STAC: variants seen among roughly 807,000 people sequenced by gnomAD.
The protein encoded by STAC is SH3 and cysteine rich domain, also known as SH3 and cysteine-rich domain-containing protein.
A neutral mutation model predicts 48.8 loss-of-function variants in STAC; 43 were observed. That is an observed-to-expected ratio of 0.88 (90% CI 0.69 to 1.14). STAC has a LOEUF of 1.14. STAC is among the 50% of genes most tolerant of loss of function. The probability of loss-of-function intolerance (pLI) is 0.00; values close to 1 mark genes in which losing one functional copy is unlikely to be tolerated. For synonymous variants in STAC, 193 were observed against 179.5 expected, an observed-to-expected ratio of 1.07 and a Z score of -0.60; for missense variants, 497 against 504.0, an observed-to-expected ratio of 0.99 and a Z score of 0.13.
intron 2 of STAC, among the ~76,000 whole-genome samples, chr3:36,446,244 A>G (rs1236597420): frequency 1.3e-5 from 2 of 152,176 alleles, no homozygotes; most frequent in East Asian, 3.8e-4. Flanking sequence ...ATCCCTTCCC[A>G]GAAACTTTGG....
Position 36,482,971 on chromosome 3 carries a change from AG to A in STAC, c.389-20del, listed in dbSNP as rs754303057. The A allele has an allele frequency of 1.8e-5, 29 of 1,594,904 alleles. No homozygotes were observed. Among genetic ancestry groups the A allele is most frequent in the Non-Finnish European group, 2.4e-5 (28 of 1,163,064 alleles). On this transcript the variant is annotated intron_variant, in intron 2 of 10. Coordinates refer to ENST00000273183, the MANE Select transcript of STAC (RefSeq NM_003149.3). ...AAATGGCAGGTTGTATCCTAACCAA[AG>A]TTTGCCATGTACCTGACAGGAACAA...
chr3:36,465,825 T>A (rs527811434), intron 2 of STAC, among the ~76,000 whole-genome samples: 1 of 152,246 alleles, frequency 6.6e-6, no homozygotes, highest in Non-Finnish European at 1.5e-5. Context: ...CAAATTTTTC[T>A]GCCTGATTTA....
intron 5 of STAC, among the ~76,000 whole-genome samples, chr3:36,491,509 C>A (rs1462525261): frequency 6.6e-6 from 1 of 152,012 alleles, no homozygotes; most frequent in Non-Finnish European, 1.5e-5. Context: ...TCAAAGGGAG[C>A]AGGACATGAG....
intron 1 of STAC, among the ~76,000 whole-genome samples, chr3:36,436,628 G>C (rs917567569): frequency 6.6e-6 from 1 of 152,134 alleles, no homozygotes; most frequent in Non-Finnish European, 1.5e-5. Context: ...TCACTGGTTA[G>C]AGAAGCCTTC....
intron 6 of STAC, among the ~76,000 whole-genome samples, chr3:36,501,473 AAC>A: frequency 6.6e-6 from 1 of 152,210 alleles, no homozygotes; most frequent in East Asian, 1.9e-4. Context: ...AGAGAAACAT[AAC>A]AGAGATTGAA....
At chr3:36,469,617 C>T (rs552669365) in intron 2 of STAC, among the ~76,000 whole-genome samples, 6 of 152,290 alleles carry the variant, frequency 3.9e-5, no homozygotes, top group African/African-American at 1.4e-4. Flanking sequence ...ATTCAGATGT[C>T]TAGATCTCTA....
Position 36,546,979 on chromosome 3 carries a change from C to T in STAC, c.*690C>T, listed in dbSNP as rs1240436835. ...TAAAGACTGATGACAGGCCATCCTT[C>T]CTGCTGTTCTAGGTACTGGCCTGGG... On this transcript the variant is annotated 3_prime_UTR_variant, in exon 11 of 11. Transcript: ENST00000273183. 1.3e-5 allele frequency: 2 copies of T among 152,442 alleles called. No homozygotes were observed. Among genetic ancestry groups the T allele is most frequent in the African/African-American group, 2.4e-5 (1 of 41,456 alleles). 9.4% of individuals were successfully genotyped at this position (152,442 alleles called of 1,614,324 possible). A position where few individuals can be genotyped will look rare whatever the true frequency, so the allele number is the denominator to read the frequency against.
At chr3:36,418,416 T>C (rs1009861293) in intron 1 of STAC, among the ~76,000 whole-genome samples, 4 of 152,186 alleles carry the variant, frequency 2.6e-5, no homozygotes, top group Non-Finnish European at 4.4e-5. Context: ...TCCAGTTGTT[T>C]AGGTGTTTTA....
At chr3:36,516,676 T>C (rs1698681238) in intron 8 of STAC, among the ~76,000 whole-genome samples, 1 of 152,194 alleles carries the variant, frequency 6.6e-6, no homozygotes, top group Non-Finnish European at 1.5e-5. Flanking sequence ...TTTCTGGCAG[T>C]CAGATAGGCC....
chr3:36,480,643 A>C (rs773462986), intron 2 of STAC, among the ~76,000 whole-genome samples: 2 of 152,206 alleles, frequency 1.3e-5, no homozygotes, highest in Non-Finnish European at 2.9e-5. Context: ...ACCTTCTCCA[A>C]CCTGGGGCAA....
At chr3:36,481,179 G>C (rs191744327) in intron 2 of STAC, among the ~76,000 whole-genome samples, 1 of 152,104 alleles carries the variant, frequency 6.6e-6, no homozygotes, top group Admixed American at 6.6e-5. Flanking sequence ...TAAAGAGCTC[G>C]AGTATTCAAG....
At chr3:36,461,377 T>C (rs543545166) in intron 2 of STAC, among the ~76,000 whole-genome samples, 7 of 152,348 alleles carry the variant, frequency 4.6e-5, no homozygotes, top group African/African-American at 1.7e-4. Context: ...GAGTATCTCC[T>C]CTTGTGCTAA....
At position 36,497,853 on chromosome 3, in the gene STAC, T is replaced by G. The variant is rs192243055; in HGVS notation, c.766+4624T>G. 1.2e-3 allele frequency among the ~76,000 whole-genome samples: 177 copies of G among 152,246 alleles called. 2 individuals carry two copies. Among genetic ancestry groups the G allele is most frequent in the Admixed American group, 0.01 (153 of 15,290 alleles). ...ATACTACCTGTATGGGCAAATAATA[T>G]AATAATATGAAATTTTAGTTTAATG... is the stretch of plus-strand genomic sequence containing the variant. On this transcript the variant is annotated intron_variant, in intron 6 of 10. Transcript: ENST00000273183.
At chr3:36,401,731 C>T (rs2125627442) in intron 1 of STAC, among the ~76,000 whole-genome samples, 1 of 152,290 alleles carries the variant, frequency 6.6e-6, no homozygotes, top group Non-Finnish European at 1.5e-5. Context: ...GCTCCTTGCT[C>T]AAACATTTTG....
At chr3:36,431,871 G>T (rs568196815) in intron 1 of STAC, among the ~76,000 whole-genome samples, 62 of 152,102 alleles carry the variant, frequency 4.1e-4, no homozygotes, top group African/African-American at 1.4e-3. Context: ...TCTTACATCT[G>T]CAAACTTCAC....
At chr3:36,432,639 G>A (rs1012489284) in intron 1 of STAC, among the ~76,000 whole-genome samples, 1 of 151,610 alleles carries the variant, frequency 6.6e-6, no homozygotes, top group African/African-American at 2.4e-5. Flanking sequence ...GGAGGCGGAG[G>A]TTGCAGTGAG....
intron 2 of STAC, among the ~76,000 whole-genome samples, chr3:36,451,435 ATTG>A (rs1190158403): frequency 5.3e-5 from 8 of 151,878 alleles, no homozygotes; most frequent in South Asian, 2.1e-4. Context: ...TCAGATTTTT[ATTG>A]TTATTTCAGT....
At chr3:36,530,286 AG>A (rs554922475) in intron 10 of STAC, among the ~76,000 whole-genome samples, 296 of 152,312 alleles carry the variant, frequency 1.9e-3, no homozygotes, top group African/African-American at 6.5e-3. Flanking sequence ...GAAATTGATA[AG>A]GCTCGCCCTA....
At chr3:36,426,025 C>T (rs1272261445) in intron 1 of STAC, among the ~76,000 whole-genome samples, 1 of 151,946 alleles carries the variant, frequency 6.6e-6, no homozygotes, top group East Asian at 1.9e-4. Flanking sequence ...GCAAGACCCT[C>T]TCTCTCAAAA....
Sources: gnomAD v4.1 joint callset for allele counts (sites outside exome capture counted in the v4.1 genomes callset) on GRCh38, gnomAD v4.1.1 for gene constraint, MANE v1.5 for transcripts, NCBI Gene and HGNC (gene_info 2026-07-23, HGNC 2026-07-21) for gene names.